The following TMEM232 variants were observed in gnomAD, a reference collection of about 807,000 sequenced individuals.
TMEM232 encodes the protein transmembrane protein 232.
Under a neutral mutation model 78.8 loss-of-function variants are expected in TMEM232, and 80 were observed. The observed-to-expected ratio is 1.01, with a 90% CI of 0.85 to 1.22. The LOEUF is 1.22. Ranked by LOEUF, TMEM232 falls within the 50% of genes most tolerant of loss-of-function variation. The probability of loss-of-function intolerance (pLI) is 0.00; values close to 1 mark genes in which losing one functional copy is unlikely to be tolerated. For synonymous variants in TMEM232, 297 were observed against 254.3 expected, an observed-to-expected ratio of 1.17 and a Z score of -1.60; for missense variants, 881 against 742.2, an observed-to-expected ratio of 1.19 and a Z score of -2.17.
intron 12 of TMEM232, among the ~76,000 whole-genome samples, chr5:110,516,959 C>T (rs977050703): frequency 1.3e-5 from 2 of 151,192 alleles, no homozygotes; most frequent in African/African-American, 4.9e-5. Context: ...ATGCTCTAGT[C>T]CTCCCAGACA....
intron 12 of TMEM232, among the ~76,000 whole-genome samples, chr5:110,500,103 C>T (rs1766082173): frequency 6.6e-6 from 1 of 151,728 alleles, no homozygotes; most frequent in South Asian, 2.1e-4. Context: ...ACCAGCCTGG[C>T]CGACTTAGTG....
chr5:110,417,113 A>G (rs1181552283), downstream of TMEM232, among the ~76,000 whole-genome samples: 1 of 152,196 alleles, frequency 6.6e-6, no homozygotes, highest in Non-Finnish European at 1.5e-5. Flanking sequence ...TGAAACCCAT[A>G]ATAAATAAAT....
intron 10 of TMEM232, among the ~76,000 whole-genome samples, chr5:110,596,347 G>C (rs1160877241): frequency 1.3e-5 from 2 of 152,094 alleles, no homozygotes; most frequent in African/African-American, 4.8e-5. Context: ...ACCAATAACA[G>C]GCTCTGAAAG....
intron 11 of TMEM232, among the ~76,000 whole-genome samples, chr5:110,548,632 G>C (rs142968999): frequency 1.5e-3 from 229 of 151,768 alleles, no homozygotes; most frequent in African/African-American, 5.3e-3. Context: ...GTCATCTATA[G>C]AATAGTAAAT....
At chr5:110,576,759 A>T (rs887977935) in intron 10 of TMEM232, among the ~76,000 whole-genome samples, 1 of 152,168 alleles carries the variant, frequency 6.6e-6, no homozygotes, top group Non-Finnish European at 1.5e-5. Context: ...ATCTTCAGTA[A>T]ACCTAACAAA....
intron 8 of TMEM232, among the ~76,000 whole-genome samples, chr5:110,613,019 G>C (rs1782504285): frequency 6.6e-6 from 1 of 152,130 alleles, no homozygotes. Context: ...TCCAGCTATG[G>C]GCAGATAAAG....
At chr5:110,728,539 A>G (rs1344387863), upstream of TMEM232, among the ~76,000 whole-genome samples, 2 of 151,776 alleles carry the variant, frequency 1.3e-5, no homozygotes, top group Non-Finnish European at 2.9e-5. Context: ...TCACAATAAT[A>G]TTAAGCTAAT....
At chr5:110,513,787 C>T (rs993474525) in intron 12 of TMEM232, 1 of 166,326 alleles carries the variant, frequency 6.0e-6, no homozygotes. Context: ...ATGGAAGTTC[C>T]TCAATAAATT....
At chr5:110,710,053 CAAAT>C (rs1465621454) in intron 1 of TMEM232, among the ~76,000 whole-genome samples, 2 of 151,638 alleles carry the variant, frequency 1.3e-5, no homozygotes, top group Non-Finnish European at 2.9e-5. Context: ...GCAGATGACT[CAAAT>C]AAAATCAGAG....
chr5:110,643,319 T>C (rs893025661), intron 2 of TMEM232, among the ~76,000 whole-genome samples: 1 of 152,032 alleles, frequency 6.6e-6, no homozygotes, highest in Admixed American at 6.6e-5. Flanking sequence ...CAGTTGGATA[T>C]ATGAGTATGA....
chr5:110,494,230 A>G (rs765157861), intron 12 of TMEM232, among the ~76,000 whole-genome samples: 1 of 152,164 alleles, frequency 6.6e-6, no homozygotes, highest in Non-Finnish European at 1.5e-5. Flanking sequence ...TTCATAAATG[A>G]TCATAAAACA....
chr5:110,475,837 A>C (rs1057156667), intron 12 of TMEM232, among the ~76,000 whole-genome samples: 1 of 152,110 alleles, frequency 6.6e-6, no homozygotes, highest in East Asian at 1.9e-4. Context: ...AAAGTACAGC[A>C]AACAATCCTT....
intron 2 of TMEM232, among the ~76,000 whole-genome samples, chr5:110,399,385 G>T (rs909363500): frequency 5.3e-5 from 8 of 152,238 alleles, no homozygotes; most frequent in East Asian, 3.9e-4. Context: ...TTTGAAATCT[G>T]TGGTGAAATA....
chr5:110,601,554 A>C (rs1467039271), intron 10 of TMEM232, among the ~76,000 whole-genome samples: 1 of 152,180 alleles, frequency 6.6e-6, no homozygotes, highest in Non-Finnish European at 1.5e-5. Flanking sequence ...AACTGCTACA[A>C]AGAAAATAAA....
At chr5:110,409,112 C>T (rs1755898427) in intron 2 of TMEM232, among the ~76,000 whole-genome samples, 1 of 152,222 alleles carries the variant, frequency 6.6e-6, no homozygotes, top group South Asian at 2.1e-4. Context: ...TCTTTAAGTT[C>T]CAGAATTTAC....
At chr5:110,580,325 CACAA>C (rs1343496281) in intron 10 of TMEM232, among the ~76,000 whole-genome samples, 1 of 151,272 alleles carries the variant, frequency 6.6e-6, no homozygotes, top group Non-Finnish European at 1.5e-5. Flanking sequence ...TGTTTAGAGA[CACAA>C]ACAGTTAGCA....
downstream of TMEM232, among the ~76,000 whole-genome samples, chr5:110,415,888 G>C (rs1171539860): frequency 6.6e-6 from 1 of 152,104 alleles, no homozygotes; most frequent in African/African-American, 2.4e-5. Flanking sequence ...TTCCAAAATA[G>C]AGTCAGCTTC....
chr5:110,456,436 T>A (rs1760908057), intron 12 of TMEM232, among the ~76,000 whole-genome samples: 1 of 152,028 alleles, frequency 6.6e-6, no homozygotes, highest in South Asian at 2.1e-4. Context: ...GTTCATGAAT[T>A]GAAGGAGTAA....
chr5:110,415,191 T>G (rs1756150030), downstream of TMEM232, among the ~76,000 whole-genome samples: 1 of 110,078 alleles, frequency 9.1e-6, no homozygotes, highest in Non-Finnish European at 1.8e-5. Flanking sequence ...TCTCTCCAAC[T>G]TTTTTTTTTT....
Sources: allele counts gnomAD v4.1 joint callset (sites outside exome capture counted in the v4.1 genomes callset), GRCh38; gene constraint gnomAD v4.1.1; transcripts MANE v1.5; gene names NCBI Gene and HGNC (gene_info 2026-07-23, HGNC 2026-07-21).